ABLIM1: variants seen among roughly 807,000 people sequenced by gnomAD.
The protein encoded by ABLIM1 is actin binding LIM protein 1, also known as actin-binding LIM protein 1.
ABLIM1 carries 40 observed loss-of-function variants against 107.0 expected under a neutral mutation model. The observed-to-expected ratio is 0.37, with a 90% CI of 0.29 to 0.49. The LOEUF (loss-of-function observed/expected upper bound fraction) is 0.49. Ranked by LOEUF, ABLIM1 falls within the 20% of genes least tolerant of loss-of-function variation. The pLI is 0.97. For synonymous variants in ABLIM1, 357 were observed against 357.3 expected (o/e 1.00, Z 0.01); for missense variants, 857 against 1,008.5 (o/e 0.85, Z 2.04).
chr10:114,510,637 A>ATTTTT (rs2061715122), intron 6 of ABLIM1, among the ~76,000 whole-genome samples: 1 of 139,700 alleles, frequency 7.2e-6, no homozygotes, highest in African/African-American at 2.9e-5. Context: ...TAGGGATTTT[A>ATTTTT]TTTTTATTTT....
intron 2 of ABLIM1, among the ~76,000 whole-genome samples, chr10:114,576,718 G>A (rs534424522): frequency 1.3e-5 from 2 of 152,114 alleles, no homozygotes; most frequent in African/African-American, 4.8e-5. Flanking sequence ...TACGGAAGAC[G>A]TTCAAGGTGA....
chr10:114,717,467 G>A (rs186423840), intron 1 of ABLIM1, among the ~76,000 whole-genome samples: 56 of 152,232 alleles, frequency 3.7e-4, no homozygotes, highest in Admixed American at 8.5e-4. Context: ...CATGCACATT[G>A]TAGGGTCTTT....
chr10:114,449,976 A>C (rs1337531831), intron 14 of ABLIM1: 7 of 185,208 alleles, frequency 3.8e-5, no homozygotes, highest in Non-Finnish European at 8.8e-5. Context: ...CCAAACAAAT[A>C]ATCTAACATT....
intron 2 of ABLIM1, among the ~76,000 whole-genome samples, chr10:114,583,780 T>C (rs1372364454): frequency 6.6e-6 from 1 of 151,984 alleles, no homozygotes; most frequent in Non-Finnish European, 1.5e-5. Context: ...GTGAATACTA[T>C]GCAGCCATAA....
chr10:114,516,819 A>G, intron 6 of ABLIM1, among the ~76,000 whole-genome samples: 1 of 152,134 alleles, frequency 6.6e-6, no homozygotes, highest in East Asian at 1.9e-4. Flanking sequence ...ACAAAAGCAC[A>G]TTTTTCTTCC....
Position 114,447,980 on chromosome 10 carries a change from G to A in ABLIM1, c.1635C>T (p.Ile545=). The A allele has an allele frequency of 1.2e-6, 2 of 1,614,128 alleles. No homozygotes were observed. Among genetic ancestry groups the A allele is most frequent in the Non-Finnish European group, 1.7e-6 (2 of 1,180,010 alleles). Residue 545 remains isoleucine, a synonymous_variant, in exon 15 of 23, where the codon ATC becomes ATT. Coordinates refer to ENST00000533213, the MANE Select transcript of ABLIM1 (RefSeq NM_002313.7). The part of the protein sequence containing the change: ...AAQSKSSEDI[I]KFSKFPAAQA... ...GGGCTGCTGGGAACTTGGAAAACTT[G>A]ATGATATCTTCTGAGGACTTGCTCT...
intron 1 of ABLIM1, among the ~76,000 whole-genome samples, chr10:114,709,605 T>C (rs1429175783): frequency 5.3e-5 from 8 of 152,150 alleles, no homozygotes; most frequent in Non-Finnish European, 1.2e-4. Context: ...AAATAAAAGA[T>C]AAATTTCAAT....
At chr10:114,788,303 G>A in the ABLIM1 span, among the ~76,000 whole-genome samples, 1,367 of 131,236 alleles carry the variant, frequency 0.01, 28 homozygotes, top group African/African-American at 0.035. Flanking sequence ...CCCCCTCTGC[G>A]AGAAACACCC....
upstream of ABLIM1, among the ~76,000 whole-genome samples, chr10:114,658,613 T>C (rs1302510185): frequency 2.6e-5 from 4 of 152,148 alleles, no homozygotes; most frequent in Non-Finnish European, 4.4e-5. Context: ...TCTAAAAATG[T>C]CTATCAGAAA....
At chr10:114,777,322 T>C in the ABLIM1 span, among the ~76,000 whole-genome samples, 1 of 152,226 alleles carries the variant, frequency 6.6e-6, no homozygotes, top group Non-Finnish European at 1.5e-5. Flanking sequence ...TCTCTTTTCA[T>C]GTTTTTCCAT....
intron 4 of ABLIM1, among the ~76,000 whole-genome samples, chr10:114,560,614 A>C (rs981921118): frequency 6.6e-6 from 1 of 152,232 alleles, no homozygotes; most frequent in African/African-American, 2.4e-5. Flanking sequence ...GTAGTAAGCT[A>C]TACCATCTAG....
chr10:114,551,912 G>A (rs1274460988), intron 4 of ABLIM1, among the ~76,000 whole-genome samples: 1 of 152,090 alleles, frequency 6.6e-6, no homozygotes, highest in Non-Finnish European at 1.5e-5. Context: ...TGCCTCATGG[G>A]GGACAGCCAC....
At chr10:114,801,146 G>A in the ABLIM1 span, among the ~76,000 whole-genome samples, 1 of 152,090 alleles carries the variant, frequency 6.6e-6, no homozygotes, top group African/African-American at 2.4e-5. Flanking sequence ...AGGGGTAGTG[G>A]TTCATGTTTG....
chr10:114,704,286 CTCTCTCTCTCTCTCTCTATATA>C (rs2081365205), intron 1 of ABLIM1, among the ~76,000 whole-genome samples: 2 of 25,596 alleles, frequency 7.8e-5, no homozygotes, highest in South Asian at 1.3e-3. Context: ...CTCTCTCTCT[CTCTCTCTCTCTCTCTCTATATA>C]TATATATATA....
intron 1 of ABLIM1, among the ~76,000 whole-genome samples, 194 bp from the exon 2 acceptor site, chr10:114,602,155 G>A (rs2139991809): frequency 6.6e-6 from 1 of 152,202 alleles, no homozygotes; most frequent in Non-Finnish European, 1.5e-5. Context: ...GACAGTCCCG[G>A]GGGGAAAACA....
chr10:114,442,905 C>G (rs2060403302), intron 17 of ABLIM1, among the ~76,000 whole-genome samples: 1 of 151,942 alleles, frequency 6.6e-6, no homozygotes, highest in Non-Finnish European at 1.5e-5. Context: ...GTGGCGCAAT[C>G]TTGGCTCAAT....
At chr10:114,455,856 A>G (rs1343901271) in intron 12 of ABLIM1, among the ~76,000 whole-genome samples, 1 of 142,808 alleles carries the variant, frequency 7.0e-6, no homozygotes, top group Non-Finnish European at 1.5e-5. Context: ...TCTGTCGCCC[A>G]GGCTGGAGTG....
At chr10:114,464,577 G>A (rs1200447629) in intron 12 of ABLIM1, among the ~76,000 whole-genome samples, 2 of 152,062 alleles carry the variant, frequency 1.3e-5, no homozygotes, top group African/African-American at 4.8e-5. Flanking sequence ...AATAGCCCAT[G>A]AAATAAAGGA....
chr10:114,779,725 T>G, the ABLIM1 span: 1 of 152,348 alleles, frequency 6.6e-6, no homozygotes, highest in South Asian at 2.1e-4. Context: ...ATGGATATAT[T>G]CCATAGAATG....
Sources: allele counts gnomAD v4.1 joint callset (sites outside exome capture counted in the v4.1 genomes callset), GRCh38; gene constraint gnomAD v4.1.1; transcripts MANE v1.5; gene names NCBI Gene and HGNC (gene_info 2026-07-23, HGNC 2026-07-21).